CD59: variants seen among roughly 807,000 people sequenced by gnomAD.
CD59 encodes CD59 molecule (CD59 blood group).
Under a neutral mutation model 7.0 loss-of-function variants are expected in CD59, and 3 were observed. The ratio of observed to expected loss-of-function variants is 0.43; its 90% CI spans 0.19 to 1.10. The LOEUF (loss-of-function observed/expected upper bound fraction) is 1.10. Ranked by LOEUF, CD59 falls within the 50% of genes least tolerant of loss-of-function variation. CD59 has a pLI of 0.29. For missense variants in CD59, 143 were observed against 151.0 expected (o/e 0.95, Z 0.28); for synonymous variants, 60 against 62.0 (o/e 0.97, Z 0.15).
chr11:33,706,840 G>C lies in CD59; in HGVS notation c.*3286C>G, dbSNP rs1853330228. ...TCTTTTCCAAAAAGAGGCAGAAACT[G>C]ATTTCTTCAAAGTAAAAAGGCACCA... On this transcript the variant is annotated 3_prime_UTR_variant, in exon 4 of 4. Coordinates refer to ENST00000642928, the MANE Select transcript of CD59 (RefSeq NM_000611.6). 1.3e-5 allele frequency: 2 copies of C among 152,180 alleles called. No homozygotes were observed. The allele number at this position is 152,180 out of a possible 1,614,324, so 9.4% of individuals were successfully genotyped here.
At position 33,709,970 on chromosome 11, in the gene CD59, C is replaced by T. The variant is rs541468361; in HGVS notation, c.*156G>A. ...CAAACAGGACTGGTCTTCAAAGTCT[C>T]CCAGAGCCCCTCTATCTTAGCCAGG... On this transcript the variant is annotated 3_prime_UTR_variant, in exon 4 of 4. Transcript: ENST00000642928. 3 of 703,774 alleles carry T rather than the reference C, an allele frequency of 4.3e-6. No individual in the cohort carries two copies. The highest frequency in any genetic ancestry group is 1.8e-5 in the African/African-American group (1 of 56,974). The allele number at this position is 703,774 out of a possible 1,614,324, so 43.6% of individuals were successfully genotyped here.
rs969228502 is a variant in CD59, at chr11:33,709,894, A to C, written c.*232T>G. 6.6e-6 allele frequency: 4 copies of C among 606,210 alleles called. No individual in the cohort carries two copies. Among genetic ancestry groups the C allele is most frequent in the Non-Finnish European group, 1.2e-5 (4 of 342,160 alleles). 37.6% of individuals were successfully genotyped at this position (606,210 alleles called of 1,614,324 possible). On this transcript the variant is annotated 3_prime_UTR_variant, in exon 4 of 4. Coordinates refer to ENST00000642928, the MANE Select transcript of CD59 (RefSeq NM_000611.6). The stretch of plus-strand genomic sequence containing the variant: ...AGGAGGAAGCATGCAATCTAGTTCA[A>C]GTCACACCTACTTCACTCTTAGACT...
At position 33,707,627 on chromosome 11, in the gene CD59, T is replaced by A. The variant is rs1039839331; in HGVS notation, c.*2499A>T. On this transcript the variant is annotated 3_prime_UTR_variant, in exon 4 of 4. Coordinates refer to ENST00000642928, the MANE Select transcript of CD59 (RefSeq NM_000611.6). The stretch of plus-strand genomic sequence containing the variant: ...TATTGGCTCTCGAGCAGAGAGCCAG[T>A]AGGCATGACTGGTGTTCGATTCCTA... 6.6e-6 allele frequency: 1 copy of A among 152,232 alleles called. No homozygotes were observed. Among genetic ancestry groups the A allele is most frequent in the Non-Finnish European group, 1.5e-5 (1 of 68,048 alleles). 9.4% of individuals were successfully genotyped at this position (152,232 alleles called of 1,614,324 possible).
In CD59 at chr11:33,709,922, T is replaced by C. The variant is rs1029418330; in HGVS notation, c.*204A>G. 3.2e-6 allele frequency: 2 copies of C among 629,344 alleles called. No individual in the cohort carries two copies. The highest frequency in any genetic ancestry group is 5.6e-6 in the Non-Finnish European group (2 of 355,118). The allele number at this position is 629,344 out of a possible 1,614,324, so 39.0% of individuals were successfully genotyped here. On this transcript the variant is annotated 3_prime_UTR_variant, in exon 4 of 4. Transcript: ENST00000642928. ...CACACCTACTTCACTCTTAGACTTCTTCCTTCAAGTGGGGCTTCCCTGCAA... is the reference window on the plus strand; with the variant it reads ...CACACCTACTTCACTCTTAGACTTCCTCCTTCAAGTGGGGCTTCCCTGCAA...
intron 1 of CD59, among the ~76,000 whole-genome samples, chr11:33,727,012 T>A (rs1854279427): frequency 6.6e-6 from 1 of 152,186 alleles, no homozygotes; most frequent in African/African-American, 2.4e-5. Context: ...TAACAGGTTC[T>A]GAAATTAAGG....
intron 3 of CD59, among the ~76,000 whole-genome samples, chr11:33,712,958 G>GT (rs989828721): frequency 1.3e-5 from 2 of 152,028 alleles, no homozygotes; most frequent in East Asian, 1.9e-4. Context: ...TTTCTATTGA[G>GT]TTTTTTTAAT....
chr11:33,717,387 C>T lies in CD59; in HGVS notation c.152G>A (p.Cys51Tyr). The T allele has an allele frequency of 6.2e-7, 1 of 1,612,006 alleles. No individual in the cohort carries two copies. The highest frequency in any genetic ancestry group is 8.5e-7 in the Non-Finnish European group (1 of 1,178,126). ...AVNCSSDFDA[C>Y]LITKAGLQVY... ...GCTCTTACCAGCTTTGGTAATGAGA[C>T]ACGCATCAAAATCAGATGAACAATT... The change falls in exon 3 of 4, where the codon TGT becomes TAT. Residue 51 changes from cysteine (C) to tyrosine (Y), a missense_variant. By Grantham distance (194) the Cys-to-Tyr change is radical (BLOSUM62 -2). Transcript: ENST00000642928.
intron 3 of CD59, among the ~76,000 whole-genome samples, chr11:33,716,816 G>A (rs569386246): frequency 6.2e-4 from 95 of 152,136 alleles, no homozygotes; most frequent in African/African-American, 2.0e-3. Context: ...TCCCTTCTTA[G>A]CCCTCTTACC....
intron 1 of CD59, among the ~76,000 whole-genome samples, chr11:33,733,001 T>C (rs887888818): frequency 5.3e-5 from 8 of 152,022 alleles, no homozygotes; most frequent in Admixed American, 2.0e-4. Flanking sequence ...GGCAAGAAAT[T>C]TGAAGAATGA....
intron 1 of CD59, among the ~76,000 whole-genome samples, chr11:33,733,064 G>A (rs987878593): frequency 6.6e-6 from 1 of 152,148 alleles, no homozygotes; most frequent in African/African-American, 2.4e-5. Context: ...GCCTTTAGAA[G>A]CTAAGAATGG....
intron 3 of CD59, among the ~76,000 whole-genome samples, chr11:33,714,950 T>C (rs1164128913): frequency 6.6e-6 from 1 of 151,134 alleles, no homozygotes; most frequent in Non-Finnish European, 1.5e-5. Context: ...TTTTTTTTTT[T>C]TTTCTTTTGT....
chr11:33,722,485 G>A, intron 1 of CD59, 22 bp from the exon 2 acceptor site: 1 of 1,612,878 alleles, frequency 6.2e-7, no homozygotes, highest in Non-Finnish European at 8.5e-7. Flanking sequence ...GGACAGGAAG[G>A]AATGTCAGGA....
Position 33,709,061 on chromosome 11 carries a change from G to A in CD59, c.*1065C>T, listed in dbSNP as rs1853432256. 1 of 151,834 alleles carries A rather than the reference G, an allele frequency of 6.6e-6. No homozygotes were observed. Among genetic ancestry groups the A allele is most frequent in the Non-Finnish European group, 1.5e-5 (1 of 68,030 alleles). 9.4% of individuals were successfully genotyped at this position (151,834 alleles called of 1,614,324 possible). A position where few individuals can be genotyped will look rare whatever the true frequency, so the allele number is the denominator to read the frequency against. On this transcript the variant is annotated 3_prime_UTR_variant, in exon 4 of 4. Transcript: ENST00000642928. The stretch of plus-strand genomic sequence containing the variant: ...AAAAGTTTGCCCTTGTGAAAGGTGT[G>A]TATCATTTTTTAGAAGAGCTTCTGA...
At chr11:33,733,912 A>C (rs1229017192) in intron 1 of CD59, among the ~76,000 whole-genome samples, 1 of 152,228 alleles carries the variant, frequency 6.6e-6, no homozygotes, top group African/African-American at 2.4e-5. Flanking sequence ...TAAGGCTAGA[A>C]GTGTCCTCAA....
intron 1 of CD59, among the ~76,000 whole-genome samples, chr11:33,723,828 G>A (rs1854169404): frequency 6.6e-6 from 1 of 152,172 alleles, no homozygotes; most frequent in South Asian, 2.1e-4. Context: ...TGAGCAGGGA[G>A]AGGAAGGTAT....
At chr11:33,722,285 G>C in intron 2 of CD59, 94 bp downstream of exon 2, 1 of 925,378 alleles carries the variant, frequency 1.1e-6, no homozygotes, top group South Asian at 1.3e-5. Flanking sequence ...CCAAAGCCAG[G>C]CCTGGAGGAG....
At chr11:33,726,984 A>G (rs1024706041) in intron 1 of CD59, among the ~76,000 whole-genome samples, 7 of 152,238 alleles carry the variant, frequency 4.6e-5, no homozygotes, top group Non-Finnish European at 4.4e-5. Flanking sequence ...GAAGAAGTCG[A>G]ATCTCTGAAC....
chr11:33,722,631 T>G (rs1341701039), intron 1 of CD59, 168 bp from the exon 2 acceptor site: 1 of 1,481,968 alleles, frequency 6.7e-7, no homozygotes, highest in East Asian at 2.6e-5. Flanking sequence ...CACAGCACCA[T>G]ATACCCTTGA....
chr11:33,726,310 C>A (rs933755998), intron 1 of CD59, among the ~76,000 whole-genome samples: 1 of 152,198 alleles, frequency 6.6e-6, no homozygotes, highest in African/African-American at 2.4e-5. Flanking sequence ...TGTAAAAGAA[C>A]AGAAATCACA....
Sources: gnomAD v4.1 joint callset for allele counts (sites outside exome capture counted in the v4.1 genomes callset) on GRCh38, gnomAD v4.1.1 for gene constraint, MANE v1.5 for transcripts, NCBI Gene and HGNC (gene_info 2026-07-23, HGNC 2026-07-21) for gene names.